Variants in CLEC19A observed in about 807,000 individuals in gnomAD.
CLEC19A encodes C-type lectin domain family 19 member A.
CLEC19A carries 21 observed loss-of-function variants against 26.1 expected under a neutral mutation model. The observed-to-expected ratio is 0.80, with a 90% CI of 0.57 to 1.16. CLEC19A has a LOEUF of 1.16. Ranked by LOEUF, CLEC19A falls within the 50% of genes most tolerant of loss-of-function variation. The pLI is 0.00. For synonymous variants in CLEC19A, 89 were observed against 88.6 expected, an observed-to-expected ratio of 1.00 and a Z score of -0.03; for missense variants, 224 against 227.6, an observed-to-expected ratio of 0.98 and a Z score of 0.10.
chr16:19,285,868 T>C lies in CLEC19A; in HGVS notation c.17T>C (p.Leu6Pro). Residue 6 changes from leucine (L) to proline (P), a missense_variant, in exon 1 of 5, where the codon CTG (leucine) becomes CCG (proline). Leu to Pro is a moderately conservative substitution (Grantham distance 98). Coordinates refer to ENST00000636231, the MANE Select transcript of CLEC19A (RefSeq NM_001256720.2). MQRWT[L>P]WAAAFLTLHS... ...GAGCTCAGGATGCAAAGGTGGACAC[T>C]GTGGGCTGCAGCCTTCCTGACCCTC... 6.4e-7 allele frequency: 1 copy of C among 1,550,530 alleles called. No individual in the cohort carries two copies. The highest frequency in any genetic ancestry group is 1.4e-5 in the African/African-American group (1 of 73,174).
At position 19,309,571 on chromosome 16, in the gene CLEC19A, A is replaced by T. The variant is rs1474411486; in HGVS notation, c.*488A>T. 2 of 154,590 alleles carry T rather than the reference A, an allele frequency of 1.3e-5. No individual in the cohort carries two copies. The highest frequency in any genetic ancestry group is 4.8e-5 in the African/African-American group (2 of 41,422). The allele number at this position is 154,590 out of a possible 1,614,324, so 9.6% of individuals were successfully genotyped here. On this transcript the variant is annotated 3_prime_UTR_variant, in exon 5 of 5. Transcript: ENST00000636231. ...TTAATAAGTTTGGGAGGCTTAATGT[A>T]CAGCGTGATGACTATAGTTAATAAT...
At chr16:19,307,071 A>G (rs2143011346) in intron 3 of CLEC19A, among the ~76,000 whole-genome samples, 1 of 152,360 alleles carries the variant, frequency 6.6e-6, no homozygotes, top group East Asian at 1.9e-4. Flanking sequence ...ACCTTAGGCA[A>G]GAAAAACACG....
chr16:19,305,364 T>C (rs567999336), intron 3 of CLEC19A, among the ~76,000 whole-genome samples: 1 of 152,204 alleles, frequency 6.6e-6, no homozygotes, highest in African/African-American at 2.4e-5. Flanking sequence ...AGGAAGACCA[T>C]TGTGATTAGA....
At chr16:19,306,933 G>T (rs1366050276) in intron 3 of CLEC19A, among the ~76,000 whole-genome samples, 2 of 152,108 alleles carry the variant, frequency 1.3e-5, no homozygotes, top group African/African-American at 4.8e-5. Flanking sequence ...TTAAATAAAT[G>T]GAGAAATGGC....
chr16:19,301,735 G>GTT (rs750529291), intron 2 of CLEC19A, among the ~76,000 whole-genome samples: 6,696 of 34,382 alleles, frequency 0.19, 792 homozygotes, highest in Admixed American at 0.24. Flanking sequence ...AGGTTTTTTT[G>GTT]GTTTTTTTTT....
chr16:19,297,669 A>C (rs913391897), intron 1 of CLEC19A, among the ~76,000 whole-genome samples: 3 of 152,208 alleles, frequency 2.0e-5, no homozygotes, highest in African/African-American at 7.2e-5. Flanking sequence ...GTTTACAAAA[A>C]TGTATAATGA....
rs1332392014 is a variant in CLEC19A at position 19,309,610 on chromosome 16, C to T, written c.*527C>T. The T allele has an allele frequency of 2.0e-5, 3 of 152,130 alleles. No individual in the cohort carries two copies. Among genetic ancestry groups the T allele is most frequent in the Non-Finnish European group, 4.4e-5 (3 of 68,178 alleles). 9.4% of individuals were successfully genotyped at this position (152,130 alleles called of 1,614,324 possible). ...ATAGTTAATAATAATGTATTGTATT[C>T]CTGAAATTTGCTACGAGAGTAATTT... On this transcript the variant is annotated 3_prime_UTR_variant, in exon 5 of 5. Transcript: ENST00000636231.
At chr16:19,302,004 T>C (rs934422876) in intron 2 of CLEC19A, among the ~76,000 whole-genome samples, 7 of 152,068 alleles carry the variant, frequency 4.6e-5, no homozygotes, top group Non-Finnish European at 1.0e-4. Flanking sequence ...TATTATTAGT[T>C]ATAATAAACT....
rs904958239 is a variant in CLEC19A, at chr16:19,309,132, G to C, written c.*49G>C. 1 of 1,354,126 alleles carries C rather than the reference G, an allele frequency of 7.4e-7. No homozygotes were observed. The highest frequency in any genetic ancestry group is 1.4e-5 in the African/African-American group (1 of 69,200). 83.9% of individuals were successfully genotyped at this position (1,354,126 alleles called of 1,614,324 possible). ...AGCTCAACTCTAGTATCATCTTGTA[G>C]CTGTAACCAGTGTAGAATTGACATT... On this transcript the variant is annotated 3_prime_UTR_variant, in exon 5 of 5. Coordinates refer to ENST00000636231, the MANE Select transcript of CLEC19A (RefSeq NM_001256720.2).
chr16:19,306,104 A>G (rs1055532108), intron 3 of CLEC19A, among the ~76,000 whole-genome samples: 1 of 150,664 alleles, frequency 6.6e-6, no homozygotes, highest in Non-Finnish European at 1.5e-5. Context: ...CAGCCTCCCA[A>G]AGTTTTGGGA....
Position 19,299,860 on chromosome 16 carries a change from A to G in CLEC19A, c.254+1022A>G, listed in dbSNP as rs79722361. Among the ~76,000 whole-genome samples, 523 of 152,296 alleles carry G rather than the reference A, an allele frequency of 3.4e-3. 4 individuals carry two copies. Among genetic ancestry groups the G allele is most frequent in the African/African-American group, 0.012 (507 of 41,562 alleles). On this transcript the variant is annotated intron_variant, in intron 2 of 4. Coordinates refer to ENST00000636231, the MANE Select transcript of CLEC19A (RefSeq NM_001256720.2). ...AATCACAATCTTATCTCTGTTCTTC[A>G]AGAATCTCAGAAACTACTTTAGAAA... is the stretch of plus-strand genomic sequence containing the variant.
In CLEC19A at chr16:19,310,269, G is replaced by T. The variant is rs1201039917; in HGVS notation, c.*1186G>T. 6.6e-6 allele frequency: 1 copy of T among 152,060 alleles called. No homozygotes were observed. The highest frequency in any genetic ancestry group is 2.4e-5 in the African/African-American group (1 of 41,394). 9.4% of individuals were successfully genotyped at this position (152,060 alleles called of 1,614,324 possible). On this transcript the variant is annotated 3_prime_UTR_variant, in exon 5 of 5. Coordinates refer to ENST00000636231, the MANE Select transcript of CLEC19A (RefSeq NM_001256720.2). ...GGATCACTTGAGCCCAGGAGTTGAA[G>T]ATCAGCCTGGGCAACATAGTAAGAC...
chr16:19,293,666 G>T (rs1897639555), intron 1 of CLEC19A, among the ~76,000 whole-genome samples: 1 of 152,068 alleles, frequency 6.6e-6, no homozygotes, highest in Non-Finnish European at 1.5e-5. Context: ...ATGTTGCCCA[G>T]GCTGATCTCA....
At chr16:19,297,768 C>T (rs967406668) in intron 1 of CLEC19A, among the ~76,000 whole-genome samples, 5 of 152,020 alleles carry the variant, frequency 3.3e-5, no homozygotes, top group African/African-American at 4.8e-5. Context: ...TACATTAAAA[C>T]ATCACTGCAT....
intron 2 of CLEC19A, among the ~76,000 whole-genome samples, chr16:19,301,168 T>C (rs953665948): frequency 2.0e-5 from 3 of 152,164 alleles, no homozygotes; most frequent in Non-Finnish European, 4.4e-5. Flanking sequence ...TCAAGGCTTT[T>C]CTCTAGACAG....
chr16:19,306,975 T>C (rs1897969777), intron 3 of CLEC19A, among the ~76,000 whole-genome samples: 2 of 152,168 alleles, frequency 1.3e-5, no homozygotes. Context: ...AAAGATGTAG[T>C]TTTTTCCACA....
chr16:19,309,315 A>G lies in CLEC19A; in HGVS notation c.*232A>G. ...GTGTTTTTTTTTTTAAATTGACCCA[A>G]GTAACAAAAATCCAGGGGTTGTTCT... On this transcript the variant is annotated 3_prime_UTR_variant, in exon 5 of 5. Coordinates refer to ENST00000636231, the MANE Select transcript of CLEC19A (RefSeq NM_001256720.2). 1 of 431,222 alleles carries G rather than the reference A, an allele frequency of 2.3e-6. No individual in the cohort carries two copies. Among genetic ancestry groups the G allele is most frequent in the Non-Finnish European group, 4.2e-6 (1 of 237,432 alleles). 26.7% of individuals were successfully genotyped at this position (431,222 alleles called of 1,614,324 possible).
chr16:19,304,175 T>A lies in CLEC19A; in HGVS notation c.348+20T>A. On this transcript the variant is annotated intron_variant, in intron 3 of 4. Transcript: ENST00000636231. ...AGACAGGTGAGAAAGCAGTGGCCAT[T>A]GGGCCCCCTTGGAAGCTCCAGCCAG... is the stretch of plus-strand genomic sequence containing the variant. The A allele has an allele frequency of 1.3e-6, 2 of 1,540,894 alleles. No homozygotes were observed. Among genetic ancestry groups the A allele is most frequent in the Non-Finnish European group, 1.8e-6 (2 of 1,138,182 alleles).
intron 3 of CLEC19A, 33 bp from the exon 4 acceptor site, chr16:19,307,512 G>T: frequency 1.9e-6 from 3 of 1,545,734 alleles, no homozygotes; most frequent in Non-Finnish European, 1.7e-6. Flanking sequence ...TTCTTGGCTT[G>T]CTTCTTTGTC....
Sources: allele counts gnomAD v4.1 joint callset (sites outside exome capture counted in the v4.1 genomes callset), GRCh38; gene constraint gnomAD v4.1.1; transcripts MANE v1.5; gene names NCBI Gene and HGNC (gene_info 2026-07-23, HGNC 2026-07-21).